Variants in MLIP observed in about 807,000 individuals in gnomAD.
MLIP encodes the protein muscular LMNA interacting protein.
A neutral mutation model predicts 84.8 loss-of-function variants in MLIP; 79 were observed. The ratio of observed to expected loss-of-function variants is 0.93; its 90% CI spans 0.78 to 1.12. The LOEUF is 1.12. Ranked by LOEUF, MLIP falls within the 50% of genes most tolerant of loss-of-function variation. The probability of loss-of-function intolerance (pLI) is 0.00; values close to 1 mark genes in which losing one functional copy is unlikely to be tolerated. For missense variants in MLIP, 1,257 were observed against 1,160.6 expected, an observed-to-expected ratio of 1.08 and a Z score of -1.21; for synonymous variants, 504 against 463.0, an observed-to-expected ratio of 1.09 and a Z score of -1.14.
At position 54,223,798 on chromosome 6, in the gene MLIP, A is replaced by G. The variant is rs182402976; in HGVS notation, c.2719-6916A>G. Among the ~76,000 whole-genome samples, 27 of 152,226 alleles carry G rather than the reference A, an allele frequency of 1.8e-4. 1 individual carries two copies. The highest frequency in any genetic ancestry group is 6.8e-3 in the Middle Eastern group (2 of 294). On this transcript the variant is annotated intron_variant, in intron 11 of 13. Coordinates refer to ENST00000502396, the MANE Select transcript of MLIP (RefSeq NM_001281747.2). Reference sequence around the variant, plus strand: ...TAATTATATTAAAACTAAGCCTTTTAAAAAGTAAAAAGAAGATCTAACTCG... The same window carrying G: ...TAATTATATTAAAACTAAGCCTTTTGAAAAGTAAAAAGAAGATCTAACTCG...
chr6:54,120,482 G>T (rs575725052), intron 1 of MLIP, among the ~76,000 whole-genome samples: 2 of 151,996 alleles, frequency 1.3e-5, no homozygotes, highest in African/African-American at 2.4e-5. Context: ...CAGGTGATCC[G>T]CCCGCCTTGG....
chr6:54,047,882 A>G (rs953216515), intron 1 of MLIP, among the ~76,000 whole-genome samples: 2 of 152,224 alleles, frequency 1.3e-5, no homozygotes, highest in Non-Finnish European at 2.9e-5. Flanking sequence ...CAGAGATGAA[A>G]TATTTTTTCC....
chr6:54,023,301 G>A (rs911677307), intron 1 of MLIP, among the ~76,000 whole-genome samples: 5 of 151,596 alleles, frequency 3.3e-5, no homozygotes, highest in African/African-American at 1.2e-4. Context: ...TTGCTACCTT[G>A]AGTAAAAAAG....
chr6:54,164,770 A>C (rs1775007699), intron 8 of MLIP, among the ~76,000 whole-genome samples: 1 of 151,778 alleles, frequency 6.6e-6, no homozygotes, highest in Non-Finnish European at 1.5e-5. Context: ...ATTCATCCAT[A>C]TTATTGCATG....
chr6:54,261,655 G>A (rs1783401481), intron 13 of MLIP: 2 of 984,788 alleles, frequency 2.0e-6, no homozygotes, highest in Non-Finnish European at 2.4e-6. Flanking sequence ...GATGTCTAAG[G>A]TTCTAAGAGT....
chr6:54,157,984 C>T (rs1444589708), intron 5 of MLIP, among the ~76,000 whole-genome samples: 1 of 151,952 alleles, frequency 6.6e-6, no homozygotes, highest in Non-Finnish European at 1.5e-5. Flanking sequence ...CAATATTTAC[C>T]CTTATGAGCT....
At chr6:54,160,709 T>G (rs776314154) in intron 7 of MLIP, 31 bp from the exon 8 acceptor site, 1 of 1,534,520 alleles carries the variant, frequency 6.5e-7, no homozygotes, top group South Asian at 1.1e-5. Context: ...TCCTTTTCTC[T>G]TCTTCTTTCC....
chr6:54,063,153 G>A (rs1766067290), intron 1 of MLIP: 1 of 151,664 alleles, frequency 6.6e-6, no homozygotes, highest in African/African-American at 2.4e-5. Context: ...CATGAGCCAA[G>A]GTGGTGTCAT....
intron 3 of MLIP, among the ~76,000 whole-genome samples, chr6:54,135,062 A>G (rs955108102): frequency 6.6e-6 from 1 of 152,116 alleles, no homozygotes; most frequent in Non-Finnish European, 1.5e-5. Context: ...TTTAACTAAA[A>G]TGATTGCATA....
chr6:54,171,149 C>T lies in MLIP; in HGVS notation c.2544+1577C>T, dbSNP rs926954224. ...GGTAGCAATTGAAATGATTCTGGAG[C>T]GGCTTCTTCAATCTCCATAGTTAGA... On this transcript the variant is annotated intron_variant, in intron 9 of 13. Coordinates refer to ENST00000502396, the MANE Select transcript of MLIP (RefSeq NM_001281747.2). 3.3e-5 allele frequency among the ~76,000 whole-genome samples: 5 copies of T among 151,564 alleles called. No homozygotes were observed. In the South Asian group the frequency reaches 6.2e-4, roughly 19 times the overall value.
chr6:54,123,979 T>C (rs1418607208), intron 2 of MLIP, among the ~76,000 whole-genome samples: 1 of 152,220 alleles, frequency 6.6e-6, no homozygotes, highest in African/African-American at 2.4e-5. Context: ...TTAACTTAGA[T>C]TGTTTTGTCT....
At chr6:54,108,460 T>C (rs903225837), upstream of MLIP, among the ~76,000 whole-genome samples, 5 of 152,210 alleles carry the variant, frequency 3.3e-5, no homozygotes, top group South Asian at 2.1e-4. Context: ...ATGGTTTCTA[T>C]AGAAATTATC....
intron 11 of MLIP, among the ~76,000 whole-genome samples, chr6:54,229,896 T>C (rs1258944671): frequency 6.6e-6 from 1 of 152,210 alleles, no homozygotes; most frequent in African/African-American, 2.4e-5. Flanking sequence ...AGAAGACATA[T>C]ACCTGTATGT....
intron 10 of MLIP, among the ~76,000 whole-genome samples, chr6:54,201,565 C>T (rs528255421): frequency 1.8e-4 from 27 of 152,276 alleles, no homozygotes; most frequent in Admixed American, 1.5e-3. Context: ...CCCTGTTCCA[C>T]GTTATTGGGA....
chr6:54,111,449 T>G lies in MLIP; in HGVS notation c.-31T>G, dbSNP rs1769453697. On this transcript the variant is annotated 5_prime_UTR_variant, in exon 1 of 14. It adds an upstream start codon to the 5' untranslated region. Transcript: ENST00000502396. ...GAGGCTCCCTTCCCACCTCAGTCAT[T>G]GGTTTGCTCGCTCCCTTATGTGATG... is the stretch of plus-strand genomic sequence containing the variant. 3.3e-6 allele frequency: 5 copies of G among 1,535,566 alleles called. No individual in the cohort carries two copies.
intron 1 of MLIP, among the ~76,000 whole-genome samples, chr6:54,117,346 C>A (rs867493723): frequency 6.6e-6 from 1 of 151,082 alleles, no homozygotes; most frequent in African/African-American, 2.4e-5. Context: ...TCCCAAGTAG[C>A]TGGGACTACA....
At chr6:54,195,500 T>C (rs1778230554) in intron 10 of MLIP, among the ~76,000 whole-genome samples, 1 of 152,078 alleles carries the variant, frequency 6.6e-6, no homozygotes, top group South Asian at 2.1e-4. Flanking sequence ...ATTCTCTAGG[T>C]CAGCGCTGGT....
intron 10 of MLIP, among the ~76,000 whole-genome samples, chr6:54,190,520 G>A (rs1156731470): frequency 6.6e-6 from 1 of 151,934 alleles, no homozygotes. Flanking sequence ...TAAAAATTGA[G>A]ATATTTTTAC....
chr6:54,091,040 T>C (rs893599942), intron 1 of MLIP, among the ~76,000 whole-genome samples: 6 of 152,042 alleles, frequency 3.9e-5, no homozygotes, highest in African/African-American at 7.2e-5. Context: ...CTGTGAGTTG[T>C]AGGATATTTA....
Sources: gnomAD v4.1 joint callset for allele counts (sites outside exome capture counted in the v4.1 genomes callset) on GRCh38, gnomAD v4.1.1 for gene constraint, MANE v1.5 for transcripts, NCBI Gene and HGNC (gene_info 2026-07-23, HGNC 2026-07-21) for gene names.